The following ZMYND8 variants were observed in gnomAD, a reference collection of about 807,000 sequenced individuals.
ZMYND8 encodes the protein MYND-type zinc finger-containing chromatin reader ZMYND8.
ZMYND8 carries 37 observed loss-of-function variants against 140.8 expected under a neutral mutation model. The ratio of observed to expected loss-of-function variants is 0.26; its 90% CI spans 0.20 to 0.35. ZMYND8 has a LOEUF of 0.35. Ranked by LOEUF, ZMYND8 falls within the 10% of genes least tolerant of loss-of-function variation. The pLI is 1.00. For missense variants in ZMYND8, 1,068 were observed against 1,570.0 expected (o/e 0.68, Z 5.40); for synonymous variants, 592 against 597.1 (o/e 0.99, Z 0.12).
intron 2 of ZMYND8, among the ~76,000 whole-genome samples, chr20:47,314,017 A>G (rs2079174537): frequency 6.6e-6 from 1 of 152,228 alleles, no homozygotes; most frequent in South Asian, 2.1e-4. Flanking sequence ...ATACACATCA[A>G]TGTTTGCATA....
intron 2 of ZMYND8, among the ~76,000 whole-genome samples, chr20:47,313,059 C>T (rs2079063164): frequency 6.6e-6 from 1 of 151,896 alleles, no homozygotes; most frequent in Non-Finnish European, 1.5e-5. Context: ...CAGAGGACTG[C>T]TCTAAGAATA....
At position 47,220,737 on chromosome 20, in the gene ZMYND8, T is replaced by G. The variant is rs148844152; in HGVS notation, c.3418-413A>C. Among the ~76,000 whole-genome samples the G allele has an allele frequency of 3.6e-3, 552 of 152,330 alleles. 6 individuals are homozygous for G. Among genetic ancestry groups the G allele is most frequent in the African/African-American group, 0.013 (534 of 41,574 alleles). ...AACCAACATGTTTTAACTGACAGTCTAACGATTTATCTTTTTCCTAATATG... is the reference window on the plus strand; with the variant it reads ...AACCAACATGTTTTAACTGACAGTCGAACGATTTATCTTTTTCCTAATATG... On this transcript the variant is annotated intron_variant, in intron 20 of 22. Transcript: ENST00000471951.
At chr20:47,333,749 A>C (rs1432043603) in intron 2 of ZMYND8, among the ~76,000 whole-genome samples, 2 of 135,396 alleles carry the variant, frequency 1.5e-5, no homozygotes, top group African/African-American at 3.0e-5. Flanking sequence ...AAAAAAAAAA[A>C]AAAAAAACAT....
intron 11 of ZMYND8, 111 bp downstream of exon 11, chr20:47,276,203 C>A: frequency 2.9e-6 from 4 of 1,372,168 alleles, no homozygotes; most frequent in Non-Finnish European, 3.8e-6. Context: ...TGGCCCCCTA[C>A]AGTTCCCCAC....
chr20:47,276,171 G>T, intron 11 of ZMYND8, 143 bp downstream of exon 11: 1 of 1,200,560 alleles, frequency 8.3e-7, no homozygotes, highest in Non-Finnish European at 1.1e-6. Context: ...CTCCACTGGT[G>T]ACTTCTTGAA....
chr20:47,210,999 C>T (rs2035166231), intron 22 of ZMYND8, 102 bp from the exon 23 acceptor site: 2 of 1,493,956 alleles, frequency 1.3e-6, no homozygotes, highest in East Asian at 2.3e-5. Context: ...AACCACCTTC[C>T]CCTCCCAATT....
chr20:47,276,285 T>C, intron 11 of ZMYND8, 29 bp downstream of exon 11: 1 of 1,500,088 alleles, frequency 6.7e-7, no homozygotes, highest in East Asian at 2.3e-5. Flanking sequence ...CCAAGGGGCC[T>C]CCTCCCCGCT....
At chr20:47,212,767 C>A in intron 21 of ZMYND8, 42 bp from the exon 22 acceptor site, 1 of 1,550,808 alleles carries the variant, frequency 6.4e-7, no homozygotes, top group Non-Finnish European at 8.8e-7. Flanking sequence ...TGTCAGAGAG[C>A]TGGAATTCCG....
intron 4 of ZMYND8, among the ~76,000 whole-genome samples, chr20:47,295,991 C>T (rs2077610345): frequency 6.6e-6 from 1 of 152,092 alleles, no homozygotes; most frequent in Non-Finnish European, 1.5e-5. Context: ...AGATGTGTCT[C>T]GTTGGTTGTC....
chr20:47,225,613 G>T (rs1600981203), intron 18 of ZMYND8, among the ~76,000 whole-genome samples: 23 of 130,634 alleles, frequency 1.8e-4, no homozygotes, highest in Non-Finnish European at 3.5e-4. Flanking sequence ...GATGGGAGGG[G>T]AATGGTCCCT....
rs796110327 is a variant in ZMYND8, at chr20:47,279,461, GC to G, written c.998+2640del. 7.7e-3 allele frequency among the ~76,000 whole-genome samples: 1,161 copies of G among 151,722 alleles called. 19 individuals carry two copies. Among genetic ancestry groups the G allele is most frequent in the African/African-American group, 0.026 (1,091 of 41,314 alleles). ...TCAAATAAATAAATAAATAAAACAA[GC>G]CTGGGTGACAGAGCAAGACCCCCCT... On this transcript the variant is annotated intron_variant, in intron 10 of 22. Coordinates refer to ENST00000471951, the MANE Select transcript of ZMYND8 (RefSeq NM_001281775.3).
rs1416530973 is a variant in ZMYND8, at chr20:47,349,810, C to G, written c.15-1884G>C. 6 of 1,533,610 alleles carry G rather than the reference C, an allele frequency of 3.9e-6. No homozygotes were observed. The Admixed American group carries it at 1.2e-4, about 30-fold the overall frequency. On this transcript the variant is annotated intron_variant, in intron 1 of 22. Coordinates refer to ENST00000471951, the MANE Select transcript of ZMYND8 (RefSeq NM_001281775.3). Reference sequence around the variant, plus strand: ...CGCTAATCTGTGATCCAACTGAAATCTACAGTGGTGAGGGAAACAATTATG... The same window carrying G: ...CGCTAATCTGTGATCCAACTGAAATGTACAGTGGTGAGGGAAACAATTATG...
Position 47,298,831 on chromosome 20 carries a change from T to C in ZMYND8, c.351A>G (p.Glu117=). The C allele has an allele frequency of 6.2e-7, 1 of 1,614,178 alleles. No individual in the cohort carries two copies. Among genetic ancestry groups the C allele is most frequent in the Non-Finnish European group, 8.5e-7 (1 of 1,180,044 alleles). Residue 117 remains glutamate, a synonymous_variant, in exon 4 of 23, where the codon GAA becomes GAG. Transcript: ENST00000471951. The surrounding 1 kb of genome is among the most constrained non-coding windows in gnomAD (Gnocchi z 5.0). ...NDFYCWVCHR[E]GQVLCCELCP... ...AGAGCTCACAGCAAAGGACTTGGCC[T>C]TCCCGGTGACAAACCCAGCAGTAGA...
intron 16 of ZMYND8, among the ~76,000 whole-genome samples, chr20:47,231,052 C>T (rs1269131287): frequency 6.6e-6 from 1 of 152,182 alleles, no homozygotes; most frequent in Non-Finnish European, 1.5e-5. Context: ...TTAATGCCTT[C>T]AGTCAGGACA....
chr20:47,335,412 C>T (rs749335649), intron 2 of ZMYND8, among the ~76,000 whole-genome samples: 3 of 151,948 alleles, frequency 2.0e-5, no homozygotes, highest in Non-Finnish European at 4.4e-5. Flanking sequence ...TATCATTCCA[C>T]TCACCCTCAC....
chr20:47,226,527 T>C (rs2037734042), intron 18 of ZMYND8, among the ~76,000 whole-genome samples: 1 of 152,204 alleles, frequency 6.6e-6, no homozygotes, highest in Non-Finnish European at 1.5e-5. Context: ...TTAAAGTGCC[T>C]AGCATTCCAT....
intron 21 of ZMYND8, among the ~76,000 whole-genome samples, chr20:47,219,054 A>ACTTTTTTTTTTTTTTTTT (rs2036539916): frequency 1.1e-5 from 1 of 88,962 alleles, no homozygotes; most frequent in East Asian, 3.0e-4. Context: ...CCGTTTCTAC[A>ACTTTTTTTTTTTTTTTTT]ATTTTTTTTT....
At chr20:47,288,449 G>A (rs910428980) in intron 7 of ZMYND8, among the ~76,000 whole-genome samples, 1 of 144,862 alleles carries the variant, frequency 6.9e-6, no homozygotes, top group African/African-American at 2.6e-5. Flanking sequence ...TTGGAGTGCA[G>A]GGGCGCAGAT....
chr20:47,226,375 G>A (rs2037709992), intron 18 of ZMYND8, among the ~76,000 whole-genome samples: 1 of 152,162 alleles, frequency 6.6e-6, no homozygotes, highest in African/African-American at 2.4e-5. Context: ...TACTACGTGA[G>A]GGGCTGAAGC....
Sources: allele counts gnomAD v4.1 joint callset (sites outside exome capture counted in the v4.1 genomes callset), GRCh38; gene constraint gnomAD v4.1.1; non-coding constraint Gnocchi (gnomAD v3.1); transcripts MANE v1.5; gene names NCBI Gene and HGNC (gene_info 2026-07-23, HGNC 2026-07-21).